Variants in MAML2 observed in about 807,000 individuals in gnomAD.
MAML2 encodes mastermind-like protein 2.
MAML2 carries 22 observed loss-of-function variants against 96.1 expected under a neutral mutation model. The ratio of observed to expected loss-of-function variants is 0.23; its 90% CI spans 0.16 to 0.33. The LOEUF (loss-of-function observed/expected upper bound fraction) is 0.33, where lower values mean the gene tolerates loss of function less well. Ranked by LOEUF, MAML2 falls within the 10% of genes least tolerant of loss-of-function variation. MAML2 has a pLI of 1.00. For missense variants in MAML2, 1,367 were observed against 1,392.4 expected (o/e 0.98, Z 0.29); for synonymous variants, 561 against 521.3 (o/e 1.08, Z -1.04).
At chr11:96,031,879 G>A (rs1209352558) in intron 2 of MAML2, among the ~76,000 whole-genome samples, 5 of 152,050 alleles carry the variant, frequency 3.3e-5, no homozygotes, top group African/African-American at 9.7e-5. Context: ...CCAGCCTCTT[G>A]GGAGGCTGAG....
chr11:96,137,175 A>G (rs1219904916), intron 1 of MAML2, among the ~76,000 whole-genome samples: 2 of 152,206 alleles, frequency 1.3e-5, no homozygotes, highest in East Asian at 3.8e-4. Flanking sequence ...TGCACTTAAT[A>G]TCATAGAAAT....
intron 1 of MAML2, among the ~76,000 whole-genome samples, chr11:96,157,149 G>A (rs12805005): frequency 0.073 from 11,069 of 152,252 alleles, 571 homozygotes; most frequent in Non-Finnish European, 0.11. Flanking sequence ...GCTGACATTC[G>A]GAGAATGCAG....
At chr11:96,213,480 C>G (rs752140399) in intron 1 of MAML2, among the ~76,000 whole-genome samples, 1 of 152,184 alleles carries the variant, frequency 6.6e-6, no homozygotes, top group Non-Finnish European at 1.5e-5. Context: ...CACTGTTACT[C>G]TTATAACTGT....
chr11:96,342,052 T>G lies in MAML2; in HGVS notation c.-157A>C. 4.7e-6 allele frequency: 3 copies of G among 641,624 alleles called. No individual in the cohort carries two copies. Among genetic ancestry groups the G allele is most frequent in the South Asian group, 2.4e-5 (1 of 41,434 alleles). The allele number at this position is 641,624 out of a possible 1,614,324, so 39.7% of individuals were successfully genotyped here. A position where few individuals can be genotyped will look rare whatever the true frequency, so the allele number is the denominator to read the frequency against. ...GGTTGTGGGGGAGCCGTGGAGAAGT[T>G]GTGGGGGAGGGGAGTTAGTAAAAAG... is the stretch of plus-strand genomic sequence containing the variant. On this transcript the variant is annotated 5_prime_UTR_variant, in exon 1 of 5. Transcript: ENST00000524717.
intron 1 of MAML2, among the ~76,000 whole-genome samples, chr11:96,284,927 T>C (rs554318064): frequency 4.6e-5 from 7 of 152,328 alleles, no homozygotes; most frequent in African/African-American, 1.7e-4. Flanking sequence ...TTCACTATCC[T>C]ATGAAGTACT....
chr11:96,293,719 C>T (rs1454716686), intron 1 of MAML2, among the ~76,000 whole-genome samples: 1 of 152,154 alleles, frequency 6.6e-6, no homozygotes, highest in Non-Finnish European at 1.5e-5. Context: ...GATACTATGC[C>T]ATTTTCATGT....
In MAML2 at chr11:96,121,938, C is replaced by T. The variant is rs1220120518; in HGVS notation, c.514-28421G>A. On this transcript the variant is annotated intron_variant, in intron 1 of 4. Coordinates refer to ENST00000524717, the MANE Select transcript of MAML2 (RefSeq NM_032427.4). ...AGCAGCTGGGACTACAGGCACCCGC[C>T]ACCACGCCCGGCTTTTTTTTTTTTT... Among the ~76,000 whole-genome samples, 5 of 144,832 alleles carry T rather than the reference C, an allele frequency of 3.5e-5. 1 individual carries two copies. Among genetic ancestry groups the T allele is most frequent in the African/African-American group, 1.3e-4 (5 of 38,950 alleles).
intron 1 of MAML2, among the ~76,000 whole-genome samples, chr11:96,167,719 C>T (rs1011585617): frequency 2.6e-5 from 4 of 152,192 alleles, no homozygotes; most frequent in African/African-American, 9.7e-5. Flanking sequence ...TGAATCATCT[C>T]ATTCATTAAT....
intron 1 of MAML2, among the ~76,000 whole-genome samples, chr11:96,261,200 A>G (rs1565265767): frequency 6.6e-6 from 1 of 151,866 alleles, no homozygotes; most frequent in Non-Finnish European, 1.5e-5. Context: ...GGAACTGGAG[A>G]CTTTATAAAA....
chr11:96,286,464 T>G (rs1863142251), intron 1 of MAML2, among the ~76,000 whole-genome samples: 1 of 152,222 alleles, frequency 6.6e-6, no homozygotes, highest in Non-Finnish European at 1.5e-5. Flanking sequence ...TCTGCACATG[T>G]ACCCCTGAAC....
intron 1 of MAML2, among the ~76,000 whole-genome samples, chr11:96,098,348 A>G: frequency 6.6e-6 from 1 of 152,246 alleles, no homozygotes; most frequent in East Asian, 1.9e-4. Context: ...TGATTAAGCC[A>G]GCAGCAGGAT....
At chr11:96,019,146 G>A (rs2135735092) in intron 2 of MAML2, among the ~76,000 whole-genome samples, 1 of 152,192 alleles carries the variant, frequency 6.6e-6, no homozygotes, top group Admixed American at 6.5e-5. Flanking sequence ...TGAGTTTTAG[G>A]TTTTATGCCT....
intron 1 of MAML2, among the ~76,000 whole-genome samples, chr11:96,154,237 A>T (rs1044038365): frequency 6.6e-6 from 1 of 152,076 alleles, no homozygotes; most frequent in African/African-American, 2.4e-5. Context: ...GGGGCCTGAG[A>T]ATTTGCATTT....
chr11:95,998,354 C>T (rs1024122895), intron 2 of MAML2, among the ~76,000 whole-genome samples: 38 of 152,150 alleles, frequency 2.5e-4, no homozygotes, highest in African/African-American at 9.2e-4. Context: ...TTCAGAACTC[C>T]AAGCTGCTAT....
At chr11:95,992,629 T>C (rs1857930910) in intron 2 of MAML2, among the ~76,000 whole-genome samples, 1 of 152,180 alleles carries the variant, frequency 6.6e-6, no homozygotes, top group Non-Finnish European at 1.5e-5. Flanking sequence ...GAGGGAGAAA[T>C]GCTTACATGT....
At chr11:96,067,833 ATAT>A (rs1433979549) in intron 2 of MAML2, among the ~76,000 whole-genome samples, 2 of 152,224 alleles carry the variant, frequency 1.3e-5, no homozygotes, top group Non-Finnish European at 2.9e-5. Flanking sequence ...ACAACTTCAA[ATAT>A]TATATTTTGC....
chr11:96,203,148 T>C (rs1373029640), intron 1 of MAML2, among the ~76,000 whole-genome samples: 5 of 152,172 alleles, frequency 3.3e-5, no homozygotes. Context: ...AAATACCTAT[T>C]GAATACCTTA....
At chr11:96,331,786 C>A (rs1362850505) in intron 1 of MAML2, among the ~76,000 whole-genome samples, 1 of 149,158 alleles carries the variant, frequency 6.7e-6, no homozygotes, top group African/African-American at 2.5e-5. Context: ...CTGCTGCACT[C>A]CAGCGTGGGC....
intron 1 of MAML2, among the ~76,000 whole-genome samples, chr11:96,282,180 C>T (rs760599995): frequency 8.6e-5 from 13 of 150,896 alleles, no homozygotes; most frequent in East Asian, 5.9e-4. Context: ...ACCCGGGAGA[C>T]GGAGCTTTTA....
Sources: allele counts gnomAD v4.1 joint callset (sites outside exome capture counted in the v4.1 genomes callset), GRCh38; gene constraint gnomAD v4.1.1; transcripts MANE v1.5; gene names NCBI Gene and HGNC (gene_info 2026-07-23, HGNC 2026-07-21).